The following CDKAL1 variants were observed in gnomAD, a reference collection of about 807,000 sequenced individuals.
The protein encoded by CDKAL1 is threonylcarbamoyladenosine tRNA methylthiotransferase.
CDKAL1 carries 32 observed loss-of-function variants against 68.2 expected under a neutral mutation model. The observed-to-expected ratio is 0.47, with a 90% CI of 0.35 to 0.63. The LOEUF is 0.63. CDKAL1 is among the 30% of genes least tolerant of loss of function. The pLI is 0.00. For synonymous variants in CDKAL1, 234 were observed against 244.3 expected, an observed-to-expected ratio of 0.96 and a Z score of 0.39; for missense variants, 606 against 696.7, an observed-to-expected ratio of 0.87 and a Z score of 1.47.
intron 2 of CDKAL1, among the ~76,000 whole-genome samples, chr6:20,545,233 T>G (rs896233707): frequency 9.9e-5 from 15 of 151,894 alleles, no homozygotes; most frequent in African/African-American, 3.4e-4. Flanking sequence ...TATGCTTGTT[T>G]TATATATAAT....
intron 9 of CDKAL1, among the ~76,000 whole-genome samples, chr6:20,910,552 TA>T (rs1322995092): frequency 6.6e-6 from 1 of 152,178 alleles, no homozygotes; most frequent in Middle Eastern, 3.2e-3. Flanking sequence ...GGCCAGGAAT[TA>T]GATTAGAGTT....
rs140817354 is a variant in CDKAL1, at chr6:20,827,807, C to T, written c.639-18268C>T. ...GAGGTTTTCATTGAATTACCACTTA[C>T]ATTTTCTTAAGACTGTCGATATACT... is the stretch of plus-strand genomic sequence containing the variant. On this transcript the variant is annotated intron_variant, in intron 8 of 15. Transcript: ENST00000274695. Among the ~76,000 whole-genome samples the T allele has an allele frequency of 3.4e-3, 518 of 152,108 alleles. 1 individual carries two copies. Among genetic ancestry groups the T allele is most frequent in the Admixed American group, 6.9e-3 (105 of 15,278 alleles).
intron 7 of CDKAL1, among the ~76,000 whole-genome samples, chr6:20,769,330 C>T (rs1419826937): frequency 7.3e-6 from 1 of 137,550 alleles, no homozygotes; most frequent in Non-Finnish European, 1.5e-5. Flanking sequence ...GCGATCTTGG[C>T]TCACTGCAGC....
intron 8 of CDKAL1, 47 bp downstream of exon 8, chr6:20,781,312 G>T: frequency 6.6e-7 from 1 of 1,517,302 alleles, no homozygotes; most frequent in Admixed American, 2.2e-5. Flanking sequence ...TATATTTCAT[G>T]AATTCAGTTT....
intron 11 of CDKAL1, among the ~76,000 whole-genome samples, chr6:21,055,309 G>A (rs984507234): frequency 6.6e-6 from 1 of 151,884 alleles, no homozygotes. Flanking sequence ...AGAGATATTG[G>A]TCTATAGTTT....
chr6:20,761,978 T>G (rs894517744), intron 7 of CDKAL1, among the ~76,000 whole-genome samples: 3 of 152,136 alleles, frequency 2.0e-5, no homozygotes, highest in African/African-American at 7.2e-5. Flanking sequence ...ACCACTCTGT[T>G]GTAGGATATT....
At chr6:21,218,297 A>C (rs1277995482) in intron 15 of CDKAL1, among the ~76,000 whole-genome samples, 1 of 152,234 alleles carries the variant, frequency 6.6e-6, no homozygotes, top group Non-Finnish European at 1.5e-5. Flanking sequence ...TCAGATTTCT[A>C]AGTATGTGTG....
chr6:21,196,236 C>CA (rs1778466970), intron 13 of CDKAL1, among the ~76,000 whole-genome samples: 1 of 152,162 alleles, frequency 6.6e-6, no homozygotes, highest in African/African-American at 2.4e-5. Flanking sequence ...TTGCAGATTT[C>CA]CTTAAGAACC....
chr6:21,100,698 TA>T (rs1447132122), intron 12 of CDKAL1, among the ~76,000 whole-genome samples: 1 of 73,718 alleles, frequency 1.4e-5, no homozygotes, highest in Non-Finnish European at 2.4e-5. Flanking sequence ...TATTTTGGGG[TA>T]TTTTTTTTAT....
At chr6:20,854,577 G>A (rs2150510869) in intron 9 of CDKAL1, among the ~76,000 whole-genome samples, 1 of 152,306 alleles carries the variant, frequency 6.6e-6, no homozygotes, top group South Asian at 2.1e-4. Flanking sequence ...CTGATAATGG[G>A]GCAGACAGCT....
In CDKAL1 at chr6:21,018,899, C is replaced by T. The variant is rs1317573834; in HGVS notation, c.1055+18527C>T. Among the ~76,000 whole-genome samples, 5 of 152,078 alleles carry T rather than the reference C, an allele frequency of 3.3e-5. No individual in the cohort carries two copies. In the East Asian group the frequency reaches 9.7e-4, roughly 29 times the overall value. ...TGGTAAAAGGGAAGATATACATGGC[C>T]CACCTTGTTTTACCTCCTTTGCTTT... is the stretch of plus-strand genomic sequence containing the variant. On this transcript the variant is annotated intron_variant, in intron 11 of 15. Coordinates refer to ENST00000274695, the MANE Select transcript of CDKAL1 (RefSeq NM_017774.3).
intron 13 of CDKAL1, among the ~76,000 whole-genome samples, chr6:21,177,431 G>A (rs1246176970): frequency 6.6e-6 from 1 of 152,144 alleles, no homozygotes; most frequent in Non-Finnish European, 1.5e-5. Context: ...CCTCTGCATT[G>A]TAATGATTAT....
At chr6:21,108,591 T>G in intron 13 of CDKAL1, 128 bp downstream of exon 13, 1 of 578,424 alleles carries the variant, frequency 1.7e-6, no homozygotes, top group Admixed American at 3.6e-5. Flanking sequence ...TTTAAATTTT[T>G]TAGCTCTTTA....
chr6:20,543,732 A>ATTTTTTTT (rs758586145), intron 2 of CDKAL1, among the ~76,000 whole-genome samples: 4 of 102,418 alleles, frequency 3.9e-5, no homozygotes, highest in African/African-American at 1.2e-4. Flanking sequence ...TATGTTTTAC[A>ATTTTTTTT]TTTTTTTTTT....
chr6:21,030,691 C>G (rs1002712479), intron 11 of CDKAL1, among the ~76,000 whole-genome samples: 1 of 152,112 alleles, frequency 6.6e-6, no homozygotes, highest in Non-Finnish European at 1.5e-5. Flanking sequence ...CTTGGACTCA[C>G]CTGCTTCTAT....
intron 13 of CDKAL1, among the ~76,000 whole-genome samples, chr6:21,169,110 G>A (rs113248457): frequency 6.6e-6 from 1 of 152,014 alleles, no homozygotes; most frequent in Admixed American, 6.6e-5. Context: ...AAAGAAATAC[G>A]GGCAGAAGCA....
At chr6:20,679,795 G>A (rs1006761015) in intron 5 of CDKAL1, among the ~76,000 whole-genome samples, 3 of 152,074 alleles carry the variant, frequency 2.0e-5, no homozygotes, top group Non-Finnish European at 2.9e-5. Flanking sequence ...TTTATGCCTA[G>A]TAGCCTTGGA....
chr6:21,054,610 ATCT>A (rs1442371178), intron 11 of CDKAL1, among the ~76,000 whole-genome samples: 3 of 152,032 alleles, frequency 2.0e-5, no homozygotes, highest in Non-Finnish European at 4.4e-5. Context: ...ATTTATTTAG[ATCT>A]TCTTTAATTT....
At chr6:20,646,087 C>T (rs1768445319) in intron 4 of CDKAL1, among the ~76,000 whole-genome samples, 1 of 116,118 alleles carries the variant, frequency 8.6e-6, no homozygotes, top group African/African-American at 3.3e-5. Context: ...GACAGAGTCT[C>T]ACTCTGTCAC....
Sources: allele counts gnomAD v4.1 joint callset (sites outside exome capture counted in the v4.1 genomes callset), GRCh38; gene constraint gnomAD v4.1.1; transcripts MANE v1.5; gene names NCBI Gene and HGNC (gene_info 2026-07-23, HGNC 2026-07-21).